Variants in LTBP1 observed in about 807,000 individuals in gnomAD.
The protein encoded by LTBP1 is latent-transforming growth factor beta-binding protein 1.
In LTBP1, 129 loss-of-function variants were observed where a neutral mutation model predicts 207.6. The observed-to-expected ratio is 0.62, with a 90% CI of 0.54 to 0.72. The LOEUF is 0.72. Among genes scored for constraint, LTBP1 ranks in the 30% least tolerant of loss-of-function variants. The pLI is 0.00. For synonymous variants in LTBP1, 963 were observed against 833.7 expected (o/e 1.16, Z -2.67); for missense variants, 2,281 against 2,217.2 (o/e 1.03, Z -0.58).
At chr2:33,276,473 A>G (rs1032202560) in intron 18 of LTBP1, among the ~76,000 whole-genome samples, 5 of 152,236 alleles carry the variant, frequency 3.3e-5, no homozygotes, top group Admixed American at 6.5e-5. Context: ...TGTTATAAAA[A>G]GTATTTATAG....
chr2:33,288,425 A>C (rs1231250814), intron 19 of LTBP1, among the ~76,000 whole-genome samples: 1 of 152,196 alleles, frequency 6.6e-6, no homozygotes. Context: ...ACCCAGATGA[A>C]TTACACCCCA....
chr2:33,046,771 T>A (rs1409859156), intron 3 of LTBP1, among the ~76,000 whole-genome samples: 1 of 152,316 alleles, frequency 6.6e-6, no homozygotes, highest in East Asian at 1.9e-4. Flanking sequence ...AGGCTATTAA[T>A]TACCGCCTCA....
In LTBP1 at chr2:33,273,698, G is replaced by C; in HGVS notation, c.2660G>C (p.Gly887Ala). 3.7e-6 allele frequency: 6 copies of C among 1,611,166 alleles called. No homozygotes were observed. The highest frequency in any genetic ancestry group is 2.2e-5 in the East Asian group (1 of 44,726). The change falls in exon 16 of 34, where the codon GGA becomes GCA. Residue 887 changes from glycine to alanine, a missense_variant. Around this residue, in one of 3 missense-constraint regions of LTBP1, gnomAD observed 1,671 missense variants for 1,634.8 expected, o/e 1.02. Coordinates refer to ENST00000404816, the MANE Select transcript of LTBP1 (RefSeq NM_206943.4). The part of the protein sequence containing the change: ...CTVNPDICGA[G>A]HCINLPVRYT... ...GTGAACCCTGATATCTGTGGAGCAGGACACTGCATTAACCTACCAGTGAGA... is the reference window on the plus strand; with the variant it reads ...GTGAACCCTGATATCTGTGGAGCAGCACACTGCATTAACCTACCAGTGAGA...
At chr2:33,280,385 C>T (rs1209932836) in intron 19 of LTBP1, among the ~76,000 whole-genome samples, 2 of 152,090 alleles carry the variant, frequency 1.3e-5, no homozygotes, top group Admixed American at 6.5e-5. Flanking sequence ...TTGAAACAAA[C>T]TGATATTCCT....
At chr2:33,018,550 G>A (rs930086836) in intron 2 of LTBP1, among the ~76,000 whole-genome samples, 3 of 152,178 alleles carry the variant, frequency 2.0e-5, no homozygotes, top group African/African-American at 7.2e-5. Flanking sequence ...GTTCTCTTGG[G>A]TGGATCCCAT....
chr2:33,098,175 T>C (rs930650807), intron 3 of LTBP1, among the ~76,000 whole-genome samples: 2 of 152,222 alleles, frequency 1.3e-5, no homozygotes, highest in African/African-American at 4.8e-5. Flanking sequence ...AATCTCATTA[T>C]GATTGCCTTT....
intron 24 of LTBP1, among the ~76,000 whole-genome samples, chr2:33,336,800 A>T (rs986851756): frequency 6.6e-6 from 1 of 152,218 alleles, no homozygotes; most frequent in Non-Finnish European, 1.5e-5. Context: ...GCACTTTCCT[A>T]AAAATGTAAA....
chr2:33,043,704 A>G (rs1480793631), intron 3 of LTBP1, among the ~76,000 whole-genome samples: 1 of 152,224 alleles, frequency 6.6e-6, no homozygotes, highest in Non-Finnish European at 1.5e-5. Context: ...TTTTACATGA[A>G]GTATTCCTAT....
intron 5 of LTBP1, among the ~76,000 whole-genome samples, chr2:33,164,937 T>A (rs1406416907): frequency 6.6e-6 from 1 of 152,212 alleles, no homozygotes; most frequent in Non-Finnish European, 1.5e-5. Context: ...AAAAGGAAGC[T>A]TCACTTAAAG....
chr2:33,204,285 C>T (rs1241435773), intron 7 of LTBP1, among the ~76,000 whole-genome samples: 3 of 150,360 alleles, frequency 2.0e-5, no homozygotes, highest in African/African-American at 7.6e-5. Context: ...TCAACAAGGT[C>T]ACTGTATGAG....
At chr2:33,363,304 T>G in intron 28 of LTBP1, 86 bp from the exon 29 acceptor site, 1 of 1,354,962 alleles carries the variant, frequency 7.4e-7, no homozygotes, top group Middle Eastern at 1.9e-4. Flanking sequence ...AATATCTAAC[T>G]TAAAGCCCCA....
At chr2:33,104,719 A>G (rs1036425852) in intron 3 of LTBP1, among the ~76,000 whole-genome samples, 3 of 152,048 alleles carry the variant, frequency 2.0e-5, no homozygotes, top group Non-Finnish European at 4.4e-5. Context: ...TTGCATTTGA[A>G]GATGTTGGCC....
intron 5 of LTBP1, among the ~76,000 whole-genome samples, chr2:33,147,734 C>G (rs187426077): frequency 6.6e-6 from 1 of 152,322 alleles, no homozygotes; most frequent in East Asian, 1.9e-4. Flanking sequence ...GCATGATTGC[C>G]ATATGAAATG....
At position 33,263,304 on chromosome 2, in the gene LTBP1, A is replaced by G; in HGVS notation, c.2529A>G (p.Glu843=). The G allele has an allele frequency of 2.5e-6, 4 of 1,612,546 alleles. No individual in the cohort carries two copies. The highest frequency in any genetic ancestry group is 2.5e-6 in the Non-Finnish European group (3 of 1,178,606). ...TGCTTCCTCATATAGTAGTGATTGA[A>G]AAAACATCACCTCCTGTGCCTGTTG... The part of the protein sequence containing the change: ...HLHPQFPVVI[E]KTSPPVPVEV... Residue 843 remains glutamate, a synonymous_variant, in exon 15 of 34, where the codon GAA becomes GAG. Coordinates refer to ENST00000404816, the MANE Select transcript of LTBP1 (RefSeq NM_206943.4).
At chr2:33,396,152 C>T (rs1035589885) in intron 32 of LTBP1, among the ~76,000 whole-genome samples, 3 of 148,142 alleles carry the variant, frequency 2.0e-5, no homozygotes, top group South Asian at 2.1e-4. Flanking sequence ...TCTTTGTTTC[C>T]TTAAAAAAAA....
chr2:32,987,313 G>C (rs1683746289), intron 2 of LTBP1, among the ~76,000 whole-genome samples: 3 of 152,182 alleles, frequency 2.0e-5, no homozygotes, highest in African/African-American at 7.2e-5. Context: ...GGGGCAGATG[G>C]AGAGGAAGGA....
chr2:33,352,198 C>G (rs1157705411), intron 26 of LTBP1, among the ~76,000 whole-genome samples: 1 of 152,068 alleles, frequency 6.6e-6, no homozygotes, highest in East Asian at 1.9e-4. Flanking sequence ...GTGGCGTGAT[C>G]TTGGCTCACT....
chr2:33,331,950 A>G (rs2094498817), intron 24 of LTBP1, among the ~76,000 whole-genome samples: 1 of 152,178 alleles, frequency 6.6e-6, no homozygotes, highest in South Asian at 2.1e-4. Flanking sequence ...TATACTATTA[A>G]TTAATAATTA....
intron 26 of LTBP1, among the ~76,000 whole-genome samples, chr2:33,349,540 T>C (rs185673483): frequency 3.9e-5 from 6 of 152,320 alleles, no homozygotes; most frequent in Non-Finnish European, 7.3e-5. Context: ...TGTGTGGCTA[T>C]CCTGCATAAA....
Sources: gnomAD v4.1 joint callset for allele counts (sites outside exome capture counted in the v4.1 genomes callset) on GRCh38, gnomAD v4.1.1 for gene constraint, gnomAD v4.1.1 regional missense constraint, MANE v1.5 for transcripts, NCBI Gene and HGNC (gene_info 2026-07-23, HGNC 2026-07-21) for gene names.